TAFA1: variants seen among roughly 807,000 people sequenced by gnomAD.
TAFA1 encodes the protein chemokine-like protein TAFA-1.
In TAFA1, 4 loss-of-function variants were observed where a neutral mutation model predicts 18.5. The observed-to-expected ratio is 0.22, with a 90% CI of 0.11 to 0.49. The LOEUF is 0.49. Among genes scored for constraint, TAFA1 ranks in the 20% least tolerant of loss-of-function variants. The pLI is 0.98. For missense variants in TAFA1, 147 were observed against 169.0 expected, an observed-to-expected ratio of 0.87 and a Z score of 0.72; for synonymous variants, 56 against 55.2, an observed-to-expected ratio of 1.01 and a Z score of -0.06.
intron 2 of TAFA1, among the ~76,000 whole-genome samples, chr3:68,314,443 C>T (rs1300233657): frequency 1.3e-5 from 2 of 152,186 alleles, no homozygotes; most frequent in Non-Finnish European, 2.9e-5. Context: ...TCCCTACACA[C>T]AGATTCTCCT....
intron 2 of TAFA1, among the ~76,000 whole-genome samples, chr3:68,174,237 G>A (rs995910078): frequency 6.6e-6 from 1 of 152,158 alleles, no homozygotes; most frequent in Non-Finnish European, 1.5e-5. Context: ...GTGGTCCATC[G>A]CAATAGAGGA....
intron 2 of TAFA1, among the ~76,000 whole-genome samples, chr3:68,129,735 C>G (rs73834836): frequency 0.03 from 4,494 of 152,184 alleles, 232 homozygotes; most frequent in African/African-American, 0.1. Context: ...TGGTGTGTCT[C>G]AATAATAGTC....
chr3:68,221,074 C>A (rs2066723885), intron 2 of TAFA1, among the ~76,000 whole-genome samples: 1 of 152,160 alleles, frequency 6.6e-6, no homozygotes, highest in African/African-American at 2.4e-5. Context: ...ACAAGTGTAG[C>A]TCAGGGAAGT....
Position 68,041,154 on chromosome 3 carries a change from A to G in TAFA1, c.118+34410A>G, listed in dbSNP as rs115808082. ...TGCTGTAAATAAAGACATAATCCAAAAACAAGAAAAAATCCCTTTTATTCC... is the reference window on the plus strand; with the variant it reads ...TGCTGTAAATAAAGACATAATCCAAGAACAAGAAAAAATCCCTTTTATTCC... On this transcript the variant is annotated intron_variant, in intron 2 of 4. Transcript: ENST00000478136. Among the ~76,000 whole-genome samples the G allele has an allele frequency of 2.1e-3, 324 of 152,364 alleles. 1 individual carries two copies. The highest frequency in any genetic ancestry group is 7.4e-3 in the African/African-American group (307 of 41,586).
chr3:67,999,649 C>CT (rs1045774662), upstream of TAFA1, among the ~76,000 whole-genome samples: 3 of 151,074 alleles, frequency 2.0e-5, no homozygotes, highest in East Asian at 1.9e-4. Context: ...GGACAGTTTC[C>CT]TTTTTTTTTC....
At chr3:68,376,307 G>C (rs2069816279) in intron 2 of TAFA1, among the ~76,000 whole-genome samples, 1 of 151,516 alleles carries the variant, frequency 6.6e-6, no homozygotes, top group South Asian at 2.1e-4. Flanking sequence ...GTTACATAGG[G>C]AAACTTGTGT....
chr3:68,138,302 T>A (rs1208038756), intron 2 of TAFA1, among the ~76,000 whole-genome samples: 1 of 152,132 alleles, frequency 6.6e-6, no homozygotes, highest in Non-Finnish European at 1.5e-5. Context: ...CCCTTCAGAT[T>A]TTAGGTGCCT....
chr3:68,169,837 G>A (rs775851303), intron 2 of TAFA1, among the ~76,000 whole-genome samples: 10 of 152,314 alleles, frequency 6.6e-5, no homozygotes, highest in Non-Finnish European at 2.9e-5. Flanking sequence ...TGGCTGGGCA[G>A]CTTCAGCAGC....
At chr3:68,426,072 G>GA (rs1312732225) in intron 3 of TAFA1, among the ~76,000 whole-genome samples, 1 of 151,340 alleles carries the variant, frequency 6.6e-6, no homozygotes, top group Non-Finnish European at 1.5e-5. Context: ...TAATTTTGTA[G>GA]AAAAAATATA....
chr3:68,203,546 T>A (rs2066491544), intron 2 of TAFA1, among the ~76,000 whole-genome samples: 1 of 151,606 alleles, frequency 6.6e-6, no homozygotes, highest in Admixed American at 6.6e-5. Flanking sequence ...GGTGGCAGAG[T>A]GTGAGAAGAG....
chr3:68,448,966 GC>G (rs1414825730), intron 3 of TAFA1, among the ~76,000 whole-genome samples: 2 of 152,164 alleles, frequency 1.3e-5, no homozygotes, highest in African/African-American at 4.8e-5. Context: ...AATTTGAGCT[GC>G]CTGTTACTCA....
intron 2 of TAFA1, among the ~76,000 whole-genome samples, chr3:68,265,130 C>T (rs1479760245): frequency 1.3e-5 from 2 of 152,162 alleles, no homozygotes; most frequent in Non-Finnish European, 2.9e-5. Context: ...ATTTTCACCT[C>T]ATCATGATTC....
intron 2 of TAFA1, among the ~76,000 whole-genome samples, chr3:68,406,539 A>G (rs1278672655): frequency 6.6e-6 from 1 of 152,198 alleles, no homozygotes; most frequent in Non-Finnish European, 1.5e-5. Flanking sequence ...ACTAATATTG[A>G]CATCCAGGGT....
chr3:68,245,339 A>G (rs2067058404), intron 2 of TAFA1, among the ~76,000 whole-genome samples: 1 of 152,212 alleles, frequency 6.6e-6, no homozygotes, highest in Non-Finnish European at 1.5e-5. Flanking sequence ...AGCAGAGGCC[A>G]TGTAGCTAAG....
intron 2 of TAFA1, among the ~76,000 whole-genome samples, chr3:68,181,014 T>A (rs1345611226): frequency 6.6e-6 from 1 of 152,212 alleles, no homozygotes; most frequent in East Asian, 1.9e-4. Flanking sequence ...CAATGCTGCA[T>A]AAACACACAA....
rs142007683 is a variant in TAFA1, at chr3:68,252,995, C to T, written c.119-164285C>T. Reference sequence around the variant, plus strand: ...TCATGCAAGATGTGTCTTTGTTCTTCCTTCACCTTCCACCATGATTGTGAG... The same window carrying T: ...TCATGCAAGATGTGTCTTTGTTCTTTCTTCACCTTCCACCATGATTGTGAG... On this transcript the variant is annotated intron_variant, in intron 2 of 4. Transcript: ENST00000478136. Among the ~76,000 whole-genome samples, 224 of 152,268 alleles carry T rather than the reference C, an allele frequency of 1.5e-3. 1 individual carries two copies. The highest frequency in any genetic ancestry group is 0.01 in the Middle Eastern group (3 of 294).
At chr3:68,087,000 A>G (rs2064978150) in intron 2 of TAFA1, among the ~76,000 whole-genome samples, 1 of 152,202 alleles carries the variant, frequency 6.6e-6, no homozygotes, top group African/African-American at 2.4e-5. Context: ...CAATAATTAC[A>G]TTCTTGGGAC....
intron 3 of TAFA1, among the ~76,000 whole-genome samples, chr3:68,477,016 A>G (rs998167909): frequency 6.6e-6 from 1 of 152,104 alleles, no homozygotes. Context: ...AGAGACCCCC[A>G]TGTGTCTCCT....
At chr3:68,325,296 C>G (rs138641811) in intron 2 of TAFA1, among the ~76,000 whole-genome samples, 1 of 152,034 alleles carries the variant, frequency 6.6e-6, no homozygotes, top group South Asian at 2.1e-4. Context: ...GTTGGGAGCC[C>G]GAGTTAAGAG....
Sources: gnomAD v4.1 joint callset for allele counts (sites outside exome capture counted in the v4.1 genomes callset) on GRCh38, gnomAD v4.1.1 for gene constraint, MANE v1.5 for transcripts, NCBI Gene and HGNC (gene_info 2026-07-23, HGNC 2026-07-21) for gene names.